The following NRG4 variants were observed in gnomAD, a reference collection of about 807,000 sequenced individuals.
NRG4 encodes the protein neuregulin 4.
Under a neutral mutation model 15.0 loss-of-function variants are expected in NRG4, and 10 were observed. That is an observed-to-expected ratio of 0.67 (90% CI 0.41 to 1.13). The LOEUF (loss-of-function observed/expected upper bound fraction) is 1.13, where lower values mean the gene tolerates loss of function less well. Ranked by LOEUF, NRG4 falls within the 50% of genes most tolerant of loss-of-function variation. The probability of loss-of-function intolerance (pLI) is 0.00; values close to 1 mark genes in which losing one functional copy is unlikely to be tolerated. For missense variants in NRG4, 139 were observed against 140.2 expected, an observed-to-expected ratio of 0.99 and a Z score of 0.04; for synonymous variants, 41 against 50.1, an observed-to-expected ratio of 0.82 and a Z score of 0.77.
intron 4 of NRG4, among the ~76,000 whole-genome samples, chr15:76,042,506 A>C (rs997494001): frequency 2.0e-5 from 3 of 152,130 alleles, no homozygotes; most frequent in African/African-American, 7.2e-5. Flanking sequence ...AATTCAAAGG[A>C]TCATTAGAGG....
rs2033399078 is a variant in NRG4, at chr15:75,977,035, G to A, written c.105-15061C>T. ...TTTCAGAGATGCCCTGCCCAGAGAG[G>A]AGGAATCTAGAGAGGCAGTCTGGGT... On this transcript the variant is annotated intron_variant, in intron 3 of 5. Coordinates refer to ENST00000394907, the MANE Select transcript of NRG4 (RefSeq NM_138573.4). The surrounding 1 kb of genome is among the most constrained non-coding windows in gnomAD (Gnocchi z 4.9). Among the ~76,000 whole-genome samples, 2 of 152,190 alleles carry A rather than the reference G, an allele frequency of 1.3e-5. No homozygotes were observed. The highest frequency in any genetic ancestry group is 4.1e-4 in the South Asian group (2 of 4,834).
chr15:75,994,564 T>C (rs1167230060), intron 3 of NRG4, among the ~76,000 whole-genome samples: 1 of 152,250 alleles, frequency 6.6e-6, no homozygotes, highest in Non-Finnish European at 1.5e-5. Flanking sequence ...GCAGAGTTTA[T>C]TATTTGTAAA....
chr15:76,055,209 G>A (rs1186343098), intron 2 of NRG4, among the ~76,000 whole-genome samples: 1 of 152,304 alleles, frequency 6.6e-6, no homozygotes, highest in South Asian at 2.1e-4. Context: ...CTTGAACGGC[G>A]GAGGCGGAGG....
intron 3 of NRG4, among the ~76,000 whole-genome samples, chr15:75,971,922 T>A (rs2033113183): frequency 6.6e-6 from 1 of 152,238 alleles, no homozygotes; most frequent in Admixed American, 6.5e-5. Flanking sequence ...TTTCTAGTTC[T>A]AGATTCTTGA....
intron 3 of NRG4, among the ~76,000 whole-genome samples, chr15:75,984,319 C>G (rs948100654): frequency 6.6e-6 from 1 of 151,980 alleles, no homozygotes; most frequent in African/African-American, 2.4e-5. Context: ...GTCTCTGTAC[C>G]GTCCTCTCAA....
intron 5 of NRG4, among the ~76,000 whole-genome samples, chr15:75,955,662 A>G (rs1443220871): frequency 6.6e-6 from 1 of 152,090 alleles, no homozygotes; most frequent in Admixed American, 6.6e-5. Flanking sequence ...CCAGTCCCTT[A>G]TATCTGTGTA....
intron 3 of NRG4, among the ~76,000 whole-genome samples, chr15:75,989,846 T>C (rs187201553): frequency 7.7e-4 from 118 of 152,356 alleles, no homozygotes; most frequent in Non-Finnish European, 1.3e-3. Flanking sequence ...TCTTACATTT[T>C]TGAGTGCTAG....
intron 3 of NRG4, chr15:76,005,642 C>T (rs1030184969): frequency 1.5e-5 from 4 of 268,524 alleles, no homozygotes; most frequent in Non-Finnish European, 2.9e-5. Context: ...GAGCCGAGAT[C>T]GCCCTACTGT....
chr15:76,002,003 A>G (rs1202498932), intron 3 of NRG4, among the ~76,000 whole-genome samples: 2 of 152,226 alleles, frequency 1.3e-5, no homozygotes, highest in Non-Finnish European at 2.9e-5. Flanking sequence ...TAGCCACTCA[A>G]TCAAAAGCTG....
At chr15:75,955,295 G>A (rs985577710) in intron 5 of NRG4, among the ~76,000 whole-genome samples, 4 of 152,018 alleles carry the variant, frequency 2.6e-5, no homozygotes, top group African/African-American at 9.7e-5. Context: ...TCAGCCTGGG[G>A]TCCCCCACCT....
intron 4 of NRG4, 45 bp from the exon 5 acceptor site, chr15:75,956,056 GA>G: frequency 1.8e-6 from 2 of 1,135,060 alleles, no homozygotes; most frequent in East Asian, 2.4e-5. Flanking sequence ...AGTGTAATAG[GA>G]AAAGCATGTC....
chr15:75,997,163 G>T (rs150369455), intron 3 of NRG4, among the ~76,000 whole-genome samples: 1 of 151,910 alleles, frequency 6.6e-6, no homozygotes, highest in East Asian at 1.9e-4. Flanking sequence ...TAACATTTCT[G>T]TACAAAATTA....
At chr15:75,987,503 G>A (rs1215892467) in intron 3 of NRG4, among the ~76,000 whole-genome samples, 1 of 151,558 alleles carries the variant, frequency 6.6e-6, no homozygotes, top group Admixed American at 6.6e-5. Context: ...AGGGTCATGA[G>A]GGTCAAGATG....
Position 76,038,165 on chromosome 15 carries a change from G to A in NRG4, c.-104-2174C>T, listed in dbSNP as rs190557651. On this transcript the variant is annotated intron_variant, in intron 4 of 8. Transcript: ENST00000563910. ...AGACTGGGAGACACACTGGCTTCAG[G>A]TGAGACCCAGCACATTCCCACCTGT... Among the ~76,000 whole-genome samples the A allele has an allele frequency of 1.4e-4, 22 of 152,326 alleles. No individual in the cohort carries two copies. In the Middle Eastern group the frequency reaches 0.02, roughly 141 times the overall value.
chr15:76,043,084 A>G (rs1286746445), intron 4 of NRG4, among the ~76,000 whole-genome samples: 2 of 152,216 alleles, frequency 1.3e-5, no homozygotes, highest in Non-Finnish European at 2.9e-5. Flanking sequence ...CTGAAAAAGC[A>G]TCTGATAAAA....
intron 3 of NRG4, among the ~76,000 whole-genome samples, chr15:75,982,225 C>T (rs552129344): frequency 3.3e-5 from 5 of 152,234 alleles, no homozygotes; most frequent in South Asian, 4.1e-4. Flanking sequence ...GTCATTCTCA[C>T]GAATGTCAAC....
intron 3 of NRG4, among the ~76,000 whole-genome samples, chr15:75,992,917 T>C (rs1471915268): frequency 7.7e-6 from 1 of 129,446 alleles, no homozygotes; most frequent in South Asian, 2.2e-4. Flanking sequence ...TGATGGACAC[T>C]TTTTTTTTTT....
intron 4 of NRG4, among the ~76,000 whole-genome samples, chr15:75,958,234 G>A (rs1241661804): frequency 3.9e-5 from 6 of 152,004 alleles, no homozygotes; most frequent in African/African-American, 1.5e-4. Context: ...GGATGGTCTC[G>A]ATCTCCTGAC....
At chr15:76,059,775 G>A (rs1420255154) in exon 1 of NRG4, 6 of 149,544 alleles carry the variant, frequency 4.0e-5, no homozygotes, top group Non-Finnish European at 8.9e-5. Flanking sequence ...CTAGACAGCC[G>A]CGCCGCCGTT....
Sources: allele counts gnomAD v4.1 joint callset (sites outside exome capture counted in the v4.1 genomes callset), GRCh38; gene constraint gnomAD v4.1.1; non-coding constraint Gnocchi (gnomAD v3.1); transcripts MANE v1.5; gene names NCBI Gene and HGNC (gene_info 2026-07-23, HGNC 2026-07-21).